The following DST variants were observed in gnomAD, a reference collection of about 807,000 sequenced individuals.
DST encodes bullous pemphigoid antigen.
DST carries 253 observed loss-of-function variants against 875.2 expected under a neutral mutation model. The observed-to-expected ratio is 0.29, with a 90% CI of 0.26 to 0.32. DST has a LOEUF of 0.32. DST is among the 10% of genes least tolerant of loss of function. The pLI is 1.00. For missense variants in DST, 8,287 were observed against 9,111.6 expected (o/e 0.91, Z 3.68); for synonymous variants, 3,124 against 3,197.1 (o/e 0.98, Z 0.77).
intron 5 of DST, among the ~76,000 whole-genome samples, chr6:56,722,116 C>CA (rs753991419): frequency 0.018 from 2,551 of 141,818 alleles, 55 homozygotes; most frequent in African/African-American, 0.056. Context: ...GGGACATTAA[C>CA]AAAAAAAAAA....
chr6:56,703,644 C>A lies in DST; in HGVS notation c.876+4G>T. On this transcript the variant is annotated splice_donor_region_variant and intron_variant, in intron 7 of 103. Coordinates refer to ENST00000680361, the MANE Select transcript of DST (RefSeq NM_001374736.1). ...GTTAGTCAAGTTATGGGGGCGACAC[C>A]TACCCCCTTATCCTCATCCTCCACA... 1 of 976,158 alleles carries A rather than the reference C, an allele frequency of 1.0e-6. No individual in the cohort carries two copies. Among genetic ancestry groups the A allele is most frequent in the Non-Finnish European group, 1.2e-6 (1 of 821,490 alleles). 60.5% of individuals were successfully genotyped at this position (976,158 alleles called of 1,614,324 possible).
At chr6:56,479,475 A>T (rs1274446849) in intron 90 of DST, among the ~76,000 whole-genome samples, 1 of 152,182 alleles carries the variant, frequency 6.6e-6, no homozygotes, top group Non-Finnish European at 1.5e-5. Flanking sequence ...AACAGCACTC[A>T]TATGTTCATT....
chr6:56,512,966 C>T (rs1379749407), intron 72 of DST, among the ~76,000 whole-genome samples: 2 of 152,170 alleles, frequency 1.3e-5, no homozygotes, highest in African/African-American at 4.8e-5. Flanking sequence ...TATCTTCATG[C>T]TGCTTTACCG....
At chr6:56,929,518 G>A (rs1347090358) in intron 2 of DST, among the ~76,000 whole-genome samples, 1 of 152,008 alleles carries the variant, frequency 6.6e-6, no homozygotes, top group Non-Finnish European at 1.5e-5. Flanking sequence ...CTTGTGTATG[G>A]AAAAATAATG....
chr6:56,894,345 G>A (rs573673860), intron 3 of DST, among the ~76,000 whole-genome samples: 2 of 105,550 alleles, frequency 1.9e-5, no homozygotes, highest in East Asian at 2.6e-4. Flanking sequence ...GCGGCTGGCC[G>A]GGCAGGGGGG....
At chr6:56,614,865 A>G in intron 36 of DST, 1 of 993,602 alleles carries the variant, frequency 1.0e-6, no homozygotes, top group Non-Finnish European at 1.2e-6. Context: ...GATAGAATAG[A>G]GAACGTCTAC....
At chr6:56,687,177 T>C (rs1324062198) in intron 9 of DST, among the ~76,000 whole-genome samples, 3 of 152,190 alleles carry the variant, frequency 2.0e-5, no homozygotes, top group Admixed American at 6.6e-5. Flanking sequence ...ATTCAGAGGT[T>C]TACATACAAA....
chr6:56,753,111 T>TC (rs1034324733), intron 4 of DST, among the ~76,000 whole-genome samples: 73 of 152,264 alleles, frequency 4.8e-4, no homozygotes, highest in Admixed American at 2.1e-3. Context: ...CTGTTTCATC[T>TC]CTTTGATTTG....
intron 37 of DST, 120 bp downstream of exon 37, chr6:56,614,236 T>C (rs1028713899): frequency 5.0e-5 from 43 of 855,792 alleles, no homozygotes; most frequent in Non-Finnish European, 6.7e-5. Context: ...TTGCATTATA[T>C]TGGGCTATAA....
chr6:56,781,273 C>A (rs1245408096), intron 4 of DST, among the ~76,000 whole-genome samples: 4 of 152,112 alleles, frequency 2.6e-5, no homozygotes, highest in Non-Finnish European at 4.4e-5. Flanking sequence ...TCATTGGTAG[C>A]TTGATGGGGA....
chr6:56,908,256 C>T (rs1450969099), intron 2 of DST, among the ~76,000 whole-genome samples: 5 of 152,130 alleles, frequency 3.3e-5, no homozygotes, highest in Admixed American at 6.5e-5. Flanking sequence ...CAAAAGATTC[C>T]CTTCATCCTA....
At chr6:56,812,151 A>AAAG (rs375791736) in intron 4 of DST, among the ~76,000 whole-genome samples, 1 of 146,348 alleles carries the variant, frequency 6.8e-6, no homozygotes. Context: ...AAAGAAAAGA[A>AAAG]AAAAGAAAAT....
chr6:56,600,108 A>G lies in DST; in HGVS notation c.11655T>C (p.Asp3885=), dbSNP rs1444534175. The G allele has an allele frequency of 1.2e-6, 2 of 1,612,962 alleles. No homozygotes were observed. Among genetic ancestry groups the G allele is most frequent in the East Asian group, 2.2e-5 (1 of 44,854 alleles). The part of the protein sequence containing the change: ...IGHQEAFMIG[D]GTVELKKYQS... ...GATATTTCTTTAACTCAACTGTGCC[A>G]TCTCCAATCATGAAGGCTTCTTGGT... The change falls in exon 45 of 104, where the codon GAT becomes GAC. Residue 3885 remains aspartate, a synonymous_variant. Coordinates refer to ENST00000680361, the MANE Select transcript of DST (RefSeq NM_001374736.1).
At position 56,562,159 on chromosome 6, in the gene DST, C is replaced by A; in HGVS notation, c.14047G>T (p.Glu4683Ter). 1 of 1,554,006 alleles carries A rather than the reference C, an allele frequency of 6.4e-7. No homozygotes were observed. Among genetic ancestry groups the A allele is most frequent in the East Asian group, 2.4e-5 (1 of 42,082 alleles). The change falls in exon 56 of 104, where the codon GAG becomes TAG. Residue 4683 changes from glutamate to a stop codon, truncating the protein, a stop_gained. Coordinates refer to ENST00000680361, the MANE Select transcript of DST (RefSeq NM_001374736.1). LOFTEE classifies it high-confidence loss of function. ...TCACCTTTATTTGCCCAAAATTCCT[C>A]AGTATTTGTGGCTGTTCCTTCACCA... is the stretch of plus-strand genomic sequence containing the variant. ...LNGEGTATNT[E>*]EFWANKGLTS... is the part of the protein sequence containing the mutation.
chr6:56,834,523 G>A (rs184587649), intron 4 of DST, among the ~76,000 whole-genome samples: 29 of 152,254 alleles, frequency 1.9e-4, no homozygotes, highest in African/African-American at 7.0e-4. Flanking sequence ...CTTAAACCCA[G>A]GAGGCAGAGG....
chr6:56,797,628 G>C (rs1254302874), intron 4 of DST, among the ~76,000 whole-genome samples: 1 of 152,130 alleles, frequency 6.6e-6, no homozygotes, highest in African/African-American at 2.4e-5. Flanking sequence ...GAGGTCAGGA[G>C]GCCAACATGG....
At chr6:56,560,165 T>C (rs2097513879) in intron 58 of DST, 129 bp downstream of exon 58, 17 of 951,228 alleles carry the variant, frequency 1.8e-5, no homozygotes, top group Non-Finnish European at 2.2e-5. Flanking sequence ...ATGCAAAAAA[T>C]AGATTCTGAA....
At chr6:56,651,887 C>T (rs1358772792) in intron 10 of DST, among the ~76,000 whole-genome samples, 1 of 152,116 alleles carries the variant, frequency 6.6e-6, no homozygotes, top group Non-Finnish European at 1.5e-5. Flanking sequence ...TGTTGTTTCT[C>T]CCAAACCGTC....
chr6:56,754,935 C>T (rs2099597882), intron 4 of DST, among the ~76,000 whole-genome samples: 1 of 151,894 alleles, frequency 6.6e-6, no homozygotes, highest in Non-Finnish European at 1.5e-5. Flanking sequence ...AGATAAACAA[C>T]AGGATTATAA....
Sources: allele counts gnomAD v4.1 joint callset (sites outside exome capture counted in the v4.1 genomes callset), GRCh38; gene constraint gnomAD v4.1.1; transcripts MANE v1.5; gene names NCBI Gene and HGNC (gene_info 2026-07-23, HGNC 2026-07-21).